LATS2: variants seen among roughly 807,000 people sequenced by gnomAD.
LATS2 encodes the protein serine/threonine-protein kinase LATS2.
In LATS2, 24 loss-of-function variants were observed where a neutral mutation model predicts 76.0. The ratio of observed to expected loss-of-function variants is 0.32; its 90% CI spans 0.23 to 0.44. The LOEUF (loss-of-function observed/expected upper bound fraction) is 0.44. LATS2 is among the 20% of genes least tolerant of loss of function. The probability of loss-of-function intolerance (pLI) is 1.00; values close to 1 mark genes in which losing one functional copy is unlikely to be tolerated. For missense variants in LATS2, 1,286 were observed against 1,481.2 expected, an observed-to-expected ratio of 0.87 and a Z score of 2.16; for synonymous variants, 692 against 635.4, an observed-to-expected ratio of 1.09 and a Z score of -1.34.
chr13:20,975,403 A>G, intron 7 of LATS2, 39 bp from the exon 8 acceptor site: 1 of 1,518,642 alleles, frequency 6.6e-7, no homozygotes, highest in Non-Finnish European at 8.8e-7. Flanking sequence ...GTTTCTCCTC[A>G]CATCTTGGGC....
At chr13:21,058,688 G>T (rs1873528079) in intron 1 of LATS2, among the ~76,000 whole-genome samples, 1 of 152,172 alleles carries the variant, frequency 6.6e-6, no homozygotes, top group South Asian at 2.1e-4. Flanking sequence ...TGCAAGACAG[G>T]CTAGCCTCTG....
At chr13:21,053,160 G>A (rs1011663308) in intron 1 of LATS2, among the ~76,000 whole-genome samples, 3 of 150,614 alleles carry the variant, frequency 2.0e-5, no homozygotes, top group Non-Finnish European at 3.0e-5. Flanking sequence ...GCTTGAACCC[G>A]GGAGGCGGAG....
intron 2 of LATS2, among the ~76,000 whole-genome samples, chr13:21,001,380 G>A (rs600422): frequency 0.25 from 38,558 of 152,076 alleles, 5,267 homozygotes; most frequent in African/African-American, 0.35. Context: ...CTGTATGTAC[G>A]GGCTGCAGCC....
chr13:20,974,459 C>A lies in LATS2; in HGVS notation c.*411G>T. ...TTTACATTATTGCACAGAGATTTCTCATCAATGTTCTTCAGTTTTTATGTC... is the reference window on the plus strand; with the variant it reads ...TTTACATTATTGCACAGAGATTTCTAATCAATGTTCTTCAGTTTTTATGTC... On this transcript the variant is annotated 3_prime_UTR_variant, in exon 8 of 8. Coordinates refer to ENST00000382592, the MANE Select transcript of LATS2 (RefSeq NM_014572.3). 1 of 227,106 alleles carries A rather than the reference C, an allele frequency of 4.4e-6. No homozygotes were observed. Among genetic ancestry groups the A allele is most frequent in the Non-Finnish European group, 8.6e-6 (1 of 115,722 alleles). 14.1% of individuals were successfully genotyped at this position (227,106 alleles called of 1,614,324 possible). A position where few individuals can be genotyped will look rare whatever the true frequency, so the allele number is the denominator to read the frequency against.
At chr13:20,993,464 G>A (rs1565947385) in intron 2 of LATS2, among the ~76,000 whole-genome samples, 1 of 152,154 alleles carries the variant, frequency 6.6e-6, no homozygotes, top group African/African-American at 2.4e-5. Flanking sequence ...CAATGCAGGC[G>A]TGGGCATGGC....
At chr13:21,029,952 T>C (rs946466646) in intron 2 of LATS2, among the ~76,000 whole-genome samples, 6 of 151,536 alleles carry the variant, frequency 4.0e-5, no homozygotes, top group African/African-American at 1.2e-4. Flanking sequence ...GGTGAAACCC[T>C]GTCTCTACTA....
chr13:21,027,967 A>G (rs1872374011), intron 2 of LATS2, among the ~76,000 whole-genome samples: 1 of 151,856 alleles, frequency 6.6e-6, no homozygotes, highest in Admixed American at 6.6e-5. Flanking sequence ...TTTAGGGTAC[A>G]TGTGCACAAT....
rs1869511556 is a variant in LATS2 at position 20,974,738 on chromosome 13, A to G, written c.*132T>C. On this transcript the variant is annotated 3_prime_UTR_variant, in exon 8 of 8. Coordinates refer to ENST00000382592, the MANE Select transcript of LATS2 (RefSeq NM_014572.3). The stretch of plus-strand genomic sequence containing the variant: ...TTTGGGTTTTCTTGGTGAAGAGCAG[A>G]ATTTCAAGTGAAGTAATCGACGGAC... The G allele has an allele frequency of 1.0e-6, 1 of 968,356 alleles. No homozygotes were observed. The highest frequency in any genetic ancestry group is 2.9e-5 in the Admixed American group (1 of 35,084). 60.0% of individuals were successfully genotyped at this position (968,356 alleles called of 1,614,324 possible).
At chr13:21,022,225 T>C (rs1041139240) in intron 2 of LATS2, among the ~76,000 whole-genome samples, 8 of 151,784 alleles carry the variant, frequency 5.3e-5, no homozygotes, top group Non-Finnish European at 1.0e-4. Context: ...AATATGTGCA[T>C]GCATGTGTGC....
At chr13:20,984,228 C>T (rs1870042601) in intron 4 of LATS2, among the ~76,000 whole-genome samples, 1 of 152,166 alleles carries the variant, frequency 6.6e-6, no homozygotes, top group Non-Finnish European at 1.5e-5. Flanking sequence ...GCCACTGTGC[C>T]CGGCCAGTTT....
At chr13:20,999,155 G>C (rs1223584624) in intron 2 of LATS2, among the ~76,000 whole-genome samples, 1 of 152,258 alleles carries the variant, frequency 6.6e-6, no homozygotes, top group Non-Finnish European at 1.5e-5. Flanking sequence ...AATGGAAGTA[G>C]TGGCCTTTGG....
chr13:20,986,733 A>G (rs539425559), intron 4 of LATS2, among the ~76,000 whole-genome samples: 2 of 152,204 alleles, frequency 1.3e-5, no homozygotes, highest in Non-Finnish European at 2.9e-5. Context: ...AATGTATTCA[A>G]TATTTCAAAA....
chr13:21,023,645 TTA>T, intron 2 of LATS2, among the ~76,000 whole-genome samples: 4 of 92,586 alleles, frequency 4.3e-5, no homozygotes, highest in African/African-American at 1.9e-4. Context: ...ATGACTGGCT[TTA>T]AAAAAAAAAA....
intron 1 of LATS2, among the ~76,000 whole-genome samples, chr13:21,060,169 A>C (rs1873581064): frequency 6.6e-6 from 1 of 152,054 alleles, no homozygotes; most frequent in Admixed American, 6.5e-5. Context: ...CCCCGTTCCC[A>C]ACCCTCGGGA....
At chr13:20,993,916 C>T (rs533829273) in intron 2 of LATS2, among the ~76,000 whole-genome samples, 20 of 152,210 alleles carry the variant, frequency 1.3e-4, no homozygotes, top group Non-Finnish European at 2.4e-4. Context: ...TAACCACAAG[C>T]CTTTCCATCA....
intron 2 of LATS2, among the ~76,000 whole-genome samples, chr13:21,012,698 A>G (rs1353609391): frequency 1.3e-5 from 2 of 152,126 alleles, no homozygotes; most frequent in African/African-American, 4.8e-5. Context: ...TTTTAAGGGA[A>G]CGAGCAGAAA....
chr13:21,049,653 A>T (rs574546505), intron 1 of LATS2, among the ~76,000 whole-genome samples: 6 of 152,316 alleles, frequency 3.9e-5, no homozygotes, highest in East Asian at 1.9e-4. Flanking sequence ...GACAAGAGCC[A>T]CAAGAGACAC....
At chr13:21,002,919 C>T (rs1156303515) in intron 2 of LATS2, among the ~76,000 whole-genome samples, 1 of 152,086 alleles carries the variant, frequency 6.6e-6, no homozygotes, top group African/African-American at 2.4e-5. Flanking sequence ...CTAGGCTGGT[C>T]TCAAACTCCT....
At chr13:21,025,872 A>AT (rs943268926) in intron 2 of LATS2, among the ~76,000 whole-genome samples, 3 of 152,012 alleles carry the variant, frequency 2.0e-5, no homozygotes, top group Non-Finnish European at 2.9e-5. Context: ...GTCTGGGTTG[A>AT]TTTTTTCACC....
Sources: gnomAD v4.1 joint callset for allele counts (sites outside exome capture counted in the v4.1 genomes callset) on GRCh38, gnomAD v4.1.1 for gene constraint, MANE v1.5 for transcripts, NCBI Gene and HGNC (gene_info 2026-07-23, HGNC 2026-07-21) for gene names.